Variants in DNAH1 observed in about 807,000 individuals in gnomAD.
The protein encoded by DNAH1 is dynein axonemal heavy chain 1.
In DNAH1, 327 loss-of-function variants were observed where a neutral mutation model predicts 484.3. The observed-to-expected ratio is 0.68, with a 90% confidence interval of 0.62 to 0.74. DNAH1 has a LOEUF of 0.74. Ranked by LOEUF, DNAH1 falls within the 30% of genes least tolerant of loss-of-function variation. DNAH1 has a pLI of 0.00. For synonymous variants in DNAH1, 2,192 were observed against 2,191.9 expected, an observed-to-expected ratio of 1.00 and a Z score of 0.00; for missense variants, 5,052 against 5,546.8, an observed-to-expected ratio of 0.91 and a Z score of 2.83.
rs912963959 is a variant in DNAH1 at position 52,368,691 on chromosome 3, G to A, written c.5766-50G>A. Reference sequence around the variant, plus strand: ...GCTTCCCTGGGAGCCAGCTGTGCTCGAAGCACCGCCTCCCTGATGTTTCCA... The same window carrying A: ...GCTTCCCTGGGAGCCAGCTGTGCTCAAAGCACCGCCTCCCTGATGTTTCCA... On this transcript the variant is annotated intron_variant, in intron 36 of 77. Coordinates refer to ENST00000420323, the MANE Select transcript of DNAH1 (RefSeq NM_015512.5). The surrounding 1 kb of genome is among the most constrained non-coding windows in gnomAD (Gnocchi z 4.4). 3.8e-6 allele frequency: 6 copies of A among 1,577,974 alleles called. No homozygotes were observed. Among genetic ancestry groups the A allele is most frequent in the East Asian group, 4.5e-5 (2 of 44,092 alleles).
intron 14 of DNAH1, 75 bp downstream of exon 14, chr3:52,349,495 A>C: frequency 1.5e-6 from 2 of 1,363,570 alleles, no homozygotes; most frequent in Non-Finnish European, 2.1e-6. Flanking sequence ...CCTCACATAC[A>C]TGGCAAGATG....
rs760717575 is a variant in DNAH1, at chr3:52,381,831, G to C, written c.7800G>C (p.Ser2600=). Residue 2600 remains serine (S), a synonymous_variant, in exon 49 of 78, where the codon TCG becomes TCC. Coordinates refer to ENST00000420323, the MANE Select transcript of DNAH1 (RefSeq NM_015512.5). The surrounding 1 kb of genome is among the most constrained non-coding windows in gnomAD (Gnocchi z 4.1). ...GCAGCTCCCTCACAAGGCTCGCCTCGCACATGTGAGCGCCTCCAGGGCGTG... is the reference window on the plus strand; with the variant it reads ...GCAGCTCCCTCACAAGGCTCGCCTCCCACATGTGAGCGCCTCCAGGGCGTG... ...SGRSSLTRLA[S]HMAEYECFQI... is the part of the protein sequence containing the mutation. 1 of 1,588,780 alleles carries C rather than the reference G, an allele frequency of 6.3e-7. No homozygotes were observed. The highest frequency in any genetic ancestry group is 2.3e-5 in the East Asian group (1 of 43,530).
Position 52,362,450 on chromosome 3 carries a change from C to T in DNAH1, c.5043C>T (p.Ile1681=), listed in dbSNP as rs763554234. ...IPLVPSCAVF[I]TMNPGYAGRT... Reference sequence around the variant, plus strand: ...TGGTGCCATCCTGCGCAGTGTTTATCACCATGAACCCGGGCTACGCTGGCC... The same window carrying T: ...TGGTGCCATCCTGCGCAGTGTTTATTACCATGAACCCGGGCTACGCTGGCC... The change falls in exon 31 of 78, where the codon ATC becomes ATT. Residue 1681 remains isoleucine, a synonymous_variant. Transcript: ENST00000420323. This position sits in a 1 kb window ranked among gnomAD's most constrained non-coding sequence, Gnocchi z 5.1. 2 of 1,614,056 alleles carry T rather than the reference C, an allele frequency of 1.2e-6. No individual in the cohort carries two copies. The highest frequency in any genetic ancestry group is 1.7e-6 in the Non-Finnish European group (2 of 1,179,970).
upstream of DNAH1, among the ~76,000 whole-genome samples, chr3:52,313,794 T>C (rs1700867028): frequency 6.6e-6 from 1 of 152,084 alleles, no homozygotes; most frequent in African/African-American, 2.4e-5. Context: ...ATGGAAGTAT[T>C]TGGGGCAGGA....
chr3:52,385,025 G>A, intron 53 of DNAH1, 48 bp downstream of exon 53: 1 of 1,570,108 alleles, frequency 6.4e-7, no homozygotes, highest in South Asian at 1.2e-5. Context: ...CCTGCAGGCT[G>A]CCTGCTCACT....
At chr3:52,374,143 C>T in intron 44 of DNAH1, 1 of 1,224,446 alleles carries the variant, frequency 8.2e-7, no homozygotes, top group South Asian at 1.2e-5. Flanking sequence ...AATTCCTAGG[C>T]TTGAGAGCTT....
Position 52,361,899 on chromosome 3 carries a change from C to A in DNAH1, c.4980+133C>A. On this transcript the variant is annotated intron_variant, in intron 30 of 77. Coordinates refer to ENST00000420323, the MANE Select transcript of DNAH1 (RefSeq NM_015512.5). This position sits in a 1 kb window ranked among gnomAD's most constrained non-coding sequence, Gnocchi z 5.6. ...CAGCCTCTCTTGTCCCGGGGGCACACCCTAACCCCAGTCTGTGGGCAGCTC... is the reference window on the plus strand; with the variant it reads ...CAGCCTCTCTTGTCCCGGGGGCACAACCTAACCCCAGTCTGTGGGCAGCTC... 1 of 946,282 alleles carries A rather than the reference C, an allele frequency of 1.1e-6. No homozygotes were observed. Among genetic ancestry groups the A allele is most frequent in the Non-Finnish European group, 1.6e-6 (1 of 638,920 alleles). 58.6% of individuals were successfully genotyped at this position (946,282 alleles called of 1,614,324 possible). A position where few individuals can be genotyped will look rare whatever the true frequency, so the allele number is the denominator to read the frequency against.
chr3:52,341,530 CTTTT>C (rs55645528), intron 8 of DNAH1, among the ~76,000 whole-genome samples: 2 of 101,172 alleles, frequency 2.0e-5, no homozygotes, highest in African/African-American at 4.2e-5. Flanking sequence ...TTGACTTTGA[CTTTT>C]TTTTTTTTTT....
intron 5 of DNAH1, among the ~76,000 whole-genome samples, chr3:52,327,382 C>T (rs568782410): frequency 7.4e-4 from 112 of 152,290 alleles, no homozygotes; most frequent in African/African-American, 2.6e-3. Flanking sequence ...CTCCTCTCCT[C>T]TCTGCGGCCC....
rs369217075 is a variant in DNAH1, at chr3:52,357,602, C to T, written c.3859-12C>T. ...TCACTGCCCATTTCTGTGCATGGCC[C>T]GGGCCCTGCAGGTGATCAATGTGTG... On this transcript the variant is annotated splice_polypyrimidine_tract_variant and intron_variant, in intron 22 of 77. Transcript: ENST00000420323. 36 of 1,595,730 alleles carry T rather than the reference C, an allele frequency of 2.3e-5. No individual in the cohort carries two copies. The highest frequency in any genetic ancestry group is 1.8e-4 in the East Asian group (8 of 44,254).
In DNAH1 at chr3:52,359,252, A is replaced by G; in HGVS notation, c.4273A>G (p.Arg1425Gly). 1 of 1,566,920 alleles carries G rather than the reference A, an allele frequency of 6.4e-7. No individual in the cohort carries two copies. Among genetic ancestry groups the G allele is most frequent in the Non-Finnish European group, 8.7e-7 (1 of 1,155,160 alleles). Reference sequence around the variant, plus strand: ...GCCCATGCTGTCTTCCCAGATGCCCAGGACCCAGTGGGTTCTGAACTGGCC... The same window carrying G: ...GCCCATGCTGTCTTCCCAGATGCCCGGGACCCAGTGGGTTCTGAACTGGCC... ...KAIRAYPTMP[R>G]TQWVLNWPGQ... Residue 1425 changes from arginine to glycine, a missense_variant, in exon 26 of 78, where the codon AGG becomes GGG. Arg to Gly is a moderately radical substitution (Grantham distance 125). This residue lies in a region of DNAH1 where 2,929 missense variants were observed against 3,409.4 expected (regional missense o/e 0.86). Transcript: ENST00000420323.
In DNAH1 at chr3:52,354,634, GA is replaced by G. The variant is rs551410758; in HGVS notation, c.3481-193del. On this transcript the variant is annotated intron_variant, in intron 20 of 77. Coordinates refer to ENST00000420323, the MANE Select transcript of DNAH1 (RefSeq NM_015512.5). ...GGCTACAGAGCGAGACTCCACCTCA[GA>G]AAAAAAAAAAAAAAAGAGTGAATTG... Among the ~76,000 whole-genome samples the G allele has an allele frequency of 5.5e-3, 627 of 114,352 alleles. 4 individuals carry two copies. Among genetic ancestry groups the G allele is most frequent in the African/African-American group, 0.014 (465 of 32,398 alleles). The allele number at this position is 114,352 out of a possible 152,430, so 75.0% of individuals were successfully genotyped here. A position where few individuals can be genotyped will look rare whatever the true frequency, so the allele number is the denominator to read the frequency against.
chr3:52,384,672 G>C lies in DNAH1; in HGVS notation c.8323-114G>C. 3 of 1,080,302 alleles carry C rather than the reference G, an allele frequency of 2.8e-6. No homozygotes were observed. In the South Asian group the frequency reaches 5.1e-5, roughly 18 times the overall value. The allele number at this position is 1,080,302 out of a possible 1,614,324, so 66.9% of individuals were successfully genotyped here. ...CTCATAGAGTGAATGTGAGAGGCAT[G>C]GAGGTTCCTGCTGTGGCCCCCTCCT... is the stretch of plus-strand genomic sequence containing the variant. On this transcript the variant is annotated intron_variant, in intron 52 of 77. Coordinates refer to ENST00000420323, the MANE Select transcript of DNAH1 (RefSeq NM_015512.5).
At chr3:52,367,016 A>G (rs1298683165) in intron 36 of DNAH1, 129 bp downstream of exon 36, 36 of 1,152,180 alleles carry the variant, frequency 3.1e-5, no homozygotes, top group Non-Finnish European at 4.4e-5. Flanking sequence ...TTGGGATTCT[A>G]TTCTCCATTC....
intron 22 of DNAH1, among the ~76,000 whole-genome samples, chr3:52,357,026 G>GTTTTTTTT (rs78790549): frequency 7.5e-6 from 1 of 132,708 alleles, no homozygotes; most frequent in Non-Finnish European, 1.6e-5. Context: ...TTGTTTGTCT[G>GTTTTTTTT]TTTTTTTTTT....
chr3:52,375,769 G>A (rs565902583), intron 45 of DNAH1, among the ~76,000 whole-genome samples, 186 bp from the exon 46 acceptor site: 2 of 152,290 alleles, frequency 1.3e-5, no homozygotes, highest in South Asian at 4.2e-4. Context: ...CTCTGGGGAA[G>A]GCATGTTACT....
At chr3:52,372,768 C>A in intron 43 of DNAH1, 128 bp from the exon 44 acceptor site, 1 of 1,278,912 alleles carries the variant, frequency 7.8e-7, no homozygotes, top group South Asian at 1.5e-5. Flanking sequence ...GTCAAGGCAT[C>A]TAGCAATTTG....
chr3:52,387,910 G>C (rs1427343119), intron 56 of DNAH1, among the ~76,000 whole-genome samples: 1 of 152,166 alleles, frequency 6.6e-6, no homozygotes, highest in Non-Finnish European at 1.5e-5. Context: ...GGTCTTGTGT[G>C]TTATGTGCTC....
At chr3:52,378,914 C>A in intron 47 of DNAH1, 134 bp downstream of exon 47, 1 of 1,161,268 alleles carries the variant, frequency 8.6e-7, no homozygotes, top group Non-Finnish European at 1.2e-6. Flanking sequence ...GCCAGGCCCT[C>A]CAGAGCCCAG....
Sources: gnomAD v4.1 joint callset for allele counts (sites outside exome capture counted in the v4.1 genomes callset) on GRCh38, gnomAD v4.1.1 for gene constraint, gnomAD v4.1.1 regional missense constraint, Gnocchi (gnomAD v3.1) non-coding constraint, MANE v1.5 for transcripts, NCBI Gene and HGNC (gene_info 2026-07-23, HGNC 2026-07-21) for gene names.